FKTN: variants seen among roughly 807,000 people sequenced by gnomAD.
FKTN encodes fukutin, also known as ribitol-5-phosphate transferase FKTN.
FKTN carries 47 observed loss-of-function variants against 58.6 expected under a neutral mutation model. The observed-to-expected ratio is 0.80, with a 90% CI of 0.63 to 1.02. The LOEUF (loss-of-function observed/expected upper bound fraction) is 1.02. Among genes scored for constraint, FKTN ranks in the 50% least tolerant of loss-of-function variants. The pLI, the probability that FKTN is intolerant of heterozygous loss-of-function variation, is 0.00. For missense variants in FKTN, 516 were observed against 537.3 expected (o/e 0.96, Z 0.39); for synonymous variants, 178 against 191.9 (o/e 0.93, Z 0.60).
At chr9:105,591,385 G>T (rs192619275) in intron 3 of FKTN, among the ~76,000 whole-genome samples, 2 of 152,324 alleles carry the variant, frequency 1.3e-5, no homozygotes, top group Admixed American at 1.3e-4. Flanking sequence ...TATAGTCATT[G>T]GGTAAATACT....
chr9:105,618,397 A>T (rs1399342983), intron 9 of FKTN, among the ~76,000 whole-genome samples: 1 of 152,164 alleles, frequency 6.6e-6, no homozygotes. Flanking sequence ...TTGCTATTAT[A>T]TTAGGCAACA....
At position 105,605,036 on chromosome 9, in the gene FKTN, A is replaced by G. The variant is rs192977237; in HGVS notation, c.647+544A>G. 3.3e-5 allele frequency among the ~76,000 whole-genome samples: 5 copies of G among 152,232 alleles called. No homozygotes were observed. In the East Asian group the frequency reaches 9.6e-4, roughly 29 times the overall value. ...CAATGAAGTATTACACAGCAGGGAA[A>G]AATAAACTAGGGGTCTGTGCACATT... is the stretch of plus-strand genomic sequence containing the variant. On this transcript the variant is annotated intron_variant, in intron 6 of 10. Coordinates refer to ENST00000357998, the MANE Select transcript of FKTN (RefSeq NM_001079802.2).
chr9:105,637,298 TC>T lies in FKTN; in HGVS notation c.*2036del. The T allele has an allele frequency of 1.0e-6, 1 of 985,228 alleles. No homozygotes were observed. Among genetic ancestry groups the T allele is most frequent in the Non-Finnish European group, 1.2e-6 (1 of 829,688 alleles). 61.0% of individuals were successfully genotyped at this position (985,228 alleles called of 1,614,324 possible). ...CTTTTCAGATTAATCTTTTATCCTT[TC>T]CTGAAGTACAAAGTCTTAAGAGTGT... On this transcript the variant is annotated 3_prime_UTR_variant, in exon 11 of 11. Coordinates refer to ENST00000357998, the MANE Select transcript of FKTN (RefSeq NM_001079802.2).
chr9:105,633,989 GA>G (rs900557344), intron 10 of FKTN, among the ~76,000 whole-genome samples: 34 of 151,780 alleles, frequency 2.2e-4, no homozygotes, highest in African/African-American at 8.2e-4. Context: ...ACACTTCTCA[GA>G]AAAAAAATGC....
intron 3 of FKTN, among the ~76,000 whole-genome samples, chr9:105,591,105 C>T (rs1331946436): frequency 6.6e-6 from 1 of 152,116 alleles, no homozygotes; most frequent in Non-Finnish European, 1.5e-5. Context: ...CCCACCAGGC[C>T]CCATTTCCAA....
chr9:105,580,733 G>C (rs1384035772), intron 3 of FKTN, among the ~76,000 whole-genome samples: 1 of 29,564 alleles, frequency 3.4e-5, no homozygotes, highest in African/African-American at 1.8e-4. Context: ...GATTGGGGAA[G>C]TTCTCCTGGA....
At chr9:105,564,131 C>T (rs932041873) in intron 1 of FKTN, among the ~76,000 whole-genome samples, 8 of 152,192 alleles carry the variant, frequency 5.3e-5, no homozygotes, top group Admixed American at 4.6e-4. Context: ...AGGACATCCA[C>T]ATCAAAACCC....
chr9:105,563,030 CCCTA>C, intron 1 of FKTN, among the ~76,000 whole-genome samples: 1 of 152,234 alleles, frequency 6.6e-6, no homozygotes, highest in South Asian at 2.1e-4. Flanking sequence ...TCAAACAGAC[CCCTA>C]CCTAGGTGAT....
Position 105,619,881 on chromosome 9 carries a change from T to G in FKTN, c.1045-53T>G, listed in dbSNP as rs990205460. The G allele has an allele frequency of 2.6e-6, 4 of 1,535,118 alleles. No homozygotes were observed. The Admixed American group carries it at 7.0e-5, about 27-fold the overall frequency. On this transcript the variant is annotated intron_variant, in intron 9 of 10. Coordinates refer to ENST00000357998, the MANE Select transcript of FKTN (RefSeq NM_001079802.2). ...TTTTTATTTTTTAAAAAAAGGTTTT[T>G]AAAAATGTATTTCCTTTGTTTCAGT...
intron 3 of FKTN, among the ~76,000 whole-genome samples, chr9:105,590,188 G>A (rs183292179): frequency 6.6e-6 from 1 of 152,118 alleles, no homozygotes; most frequent in East Asian, 1.9e-4. Flanking sequence ...AATCATGGGG[G>A]TGGCTTCCCC....
At chr9:105,587,051 G>A (rs1257981126) in intron 3 of FKTN, among the ~76,000 whole-genome samples, 2 of 152,170 alleles carry the variant, frequency 1.3e-5, no homozygotes, top group Non-Finnish European at 2.9e-5. Context: ...TGGCTTTAAG[G>A]AATGCCGTAG....
At chr9:105,596,751 T>C in intron 4 of FKTN, 94 bp downstream of exon 4, 4 of 967,046 alleles carry the variant, frequency 4.1e-6, no homozygotes, top group Non-Finnish European at 5.0e-6. Context: ...GCAATAATAA[T>C]AGCTACCTTG....
chr9:105,611,424 G>A (rs1457902820), intron 7 of FKTN, among the ~76,000 whole-genome samples: 1 of 151,984 alleles, frequency 6.6e-6, no homozygotes, highest in Non-Finnish European at 1.5e-5. Context: ...TGTGTTGTGG[G>A]GGTTTGTTGT....
Position 105,604,448 on chromosome 9 carries a change from C to T in FKTN, c.603C>T (p.Pro201=). Residue 201 remains proline (P), a synonymous_variant, in exon 6 of 11, where the codon CCC becomes CCT. Transcript: ENST00000357998. ...LKEHIDRKFV[P]FRKLQFGRYP... is the part of the protein sequence containing the mutation. ...AACACATTGACAGGAAATTTGTTCC[C>T]TTCCGAAAGTTACAGTTTGGTCGTT... is the stretch of plus-strand genomic sequence containing the variant. The T allele has an allele frequency of 6.2e-7, 1 of 1,614,080 alleles. No individual in the cohort carries two copies. Among genetic ancestry groups the T allele is most frequent in the Non-Finnish European group, 8.5e-7 (1 of 1,179,952 alleles).
chr9:105,587,222 C>A (rs1844073375), intron 3 of FKTN, among the ~76,000 whole-genome samples: 1 of 152,002 alleles, frequency 6.6e-6, no homozygotes, highest in Non-Finnish European at 1.5e-5. Flanking sequence ...TTTGTATTAT[C>A]TAGGAGCCCA....
chr9:105,600,387 T>C (rs1328953655), intron 4 of FKTN, among the ~76,000 whole-genome samples: 2 of 152,202 alleles, frequency 1.3e-5, no homozygotes, highest in East Asian at 1.9e-4. Context: ...CTTGCTTTCA[T>C]TGAAGTAGGC....
rs891588561 is a variant in FKTN, at chr9:105,620,072, A to T, written c.1172+11A>T. The T allele has an allele frequency of 1.9e-6, 3 of 1,603,234 alleles. No homozygotes were observed. Among genetic ancestry groups the T allele is most frequent in the Admixed American group, 3.3e-5 (2 of 59,964 alleles). On this transcript the variant is annotated intron_variant, in intron 10 of 10. Coordinates refer to ENST00000357998, the MANE Select transcript of FKTN (RefSeq NM_001079802.2). ...AGGAAAAAAATTCAAGTATGAATCA[A>T]ATAAGTACTTATTTATAAAGGTACT...
At chr9:105,617,901 TA>T in intron 8 of FKTN, 57 bp from the exon 9 acceptor site, 1 of 1,069,370 alleles carries the variant, frequency 9.4e-7, no homozygotes, top group South Asian at 1.4e-5. Context: ...TAATTTGTTA[TA>T]ATAACTAATT....
rs74657531 is a variant in FKTN at position 105,572,813 on chromosome 9, C to T, written c.-180-842C>T. Among the ~76,000 whole-genome samples, 1,267 of 152,308 alleles carry T rather than the reference C, an allele frequency of 8.3e-3. 20 individuals are homozygous for T. The highest frequency in any genetic ancestry group is 0.029 in the African/African-American group (1,210 of 41,560). ...TCATACACATTCTCTGCCTTTCTCA[C>T]ATATACACATGTACAAAATACTCTG... On this transcript the variant is annotated intron_variant, in intron 1 of 10. Transcript: ENST00000357998.
Sources: allele counts gnomAD v4.1 joint callset (sites outside exome capture counted in the v4.1 genomes callset), GRCh38; gene constraint gnomAD v4.1.1; transcripts MANE v1.5; gene names NCBI Gene and HGNC (gene_info 2026-07-23, HGNC 2026-07-21).